Variants in FANK1 observed in about 807,000 individuals in gnomAD.
The protein encoded by FANK1 is fibronectin type III and ankyrin repeat domains 1, also known as fibronectin type 3 and ankyrin repeat domains protein 1.
FANK1 carries 44 observed loss-of-function variants against 45.3 expected under a neutral mutation model. The ratio of observed to expected loss-of-function variants is 0.97; its 90% confidence interval spans 0.76 to 1.25. The LOEUF (loss-of-function observed/expected upper bound fraction) is 1.25, where lower values mean the gene tolerates loss of function less well. FANK1 is among the 50% of genes most tolerant of loss of function. The pLI, the probability that FANK1 is intolerant of heterozygous loss-of-function variation, is 0.00. For missense variants in FANK1, 391 were observed against 424.4 expected (o/e 0.92, Z 0.69); for synonymous variants, 149 against 152.5 (o/e 0.98, Z 0.17).
intron 1 of FANK1, among the ~76,000 whole-genome samples, chr10:125,948,559 C>T (rs1191020215): frequency 1.3e-5 from 2 of 152,094 alleles, no homozygotes; most frequent in African/African-American, 4.8e-5. Context: ...CAAGACTAAA[C>T]CAGGAAGAAG....
At chr10:125,924,236 T>C (rs1447499315) in intron 1 of FANK1, among the ~76,000 whole-genome samples, 1 of 152,200 alleles carries the variant, frequency 6.6e-6, no homozygotes, top group Non-Finnish European at 1.5e-5. Context: ...CTTTGTCTGA[T>C]TTATTGACTG....
chr10:125,999,293 G>A (rs1034564812), intron 6 of FANK1, among the ~76,000 whole-genome samples: 21 of 150,190 alleles, frequency 1.4e-4, no homozygotes, highest in African/African-American at 4.7e-4. Context: ...TCTGCCTCCC[G>A]GGTTCACGCC....
chr10:125,961,525 T>C (rs1949928570), intron 1 of FANK1, among the ~76,000 whole-genome samples: 1 of 152,100 alleles, frequency 6.6e-6, no homozygotes, highest in African/African-American at 2.4e-5. Context: ...AAATAGACCC[T>C]CACCTCTCAC....
At chr10:125,988,169 A>C (rs1951690077) in intron 2 of FANK1, among the ~76,000 whole-genome samples, 1 of 152,236 alleles carries the variant, frequency 6.6e-6, no homozygotes, top group Non-Finnish European at 1.5e-5. Context: ...TTAGCCTTGC[A>C]GCCCCCATCA....
At chr10:126,008,328 C>A in intron 7 of FANK1, 79 bp from the exon 8 acceptor site, 1 of 1,484,938 alleles carries the variant, frequency 6.7e-7, no homozygotes, top group Admixed American at 2.3e-5. Context: ...TTGGGGCAAG[C>A]AAATATTCCT....
chr10:125,939,424 A>G (rs1948306065), intron 1 of FANK1, among the ~76,000 whole-genome samples: 2 of 152,218 alleles, frequency 1.3e-5, no homozygotes, highest in African/African-American at 2.4e-5. Flanking sequence ...GTACTTAGAG[A>G]AGCATTATGA....
intron 1 of FANK1, among the ~76,000 whole-genome samples, chr10:125,955,186 G>T (rs1461692692): frequency 1.3e-5 from 2 of 151,362 alleles, no homozygotes; most frequent in African/African-American, 4.9e-5. Flanking sequence ...ATGGTGGTTT[G>T]CTGCACAGAT....
intron 1 of FANK1, among the ~76,000 whole-genome samples, chr10:125,918,585 A>AATATATATATATATATATATATATAT (rs1197525883): frequency 5.6e-5 from 4 of 70,970 alleles, no homozygotes; most frequent in African/African-American, 3.2e-4. Flanking sequence ...AAAAAAAAAA[A>AATATATATATATATATATATATATAT]ATATATATAT....
At chr10:125,942,209 C>A (rs1948495296) in intron 1 of FANK1, among the ~76,000 whole-genome samples, 1 of 152,114 alleles carries the variant, frequency 6.6e-6, no homozygotes, top group Non-Finnish European at 1.5e-5. Context: ...TGTGCAAGAG[C>A]ATTGTGAAGA....
Position 125,924,932 on chromosome 10 carries a change from A to T in FANK1, c.13+28277A>T, listed in dbSNP as rs1277735616. Among the ~76,000 whole-genome samples the T allele has an allele frequency of 2.8e-5, 4 of 141,858 alleles. No homozygotes were observed. In the East Asian group the frequency reaches 7.7e-4, roughly 27 times the overall value. The allele number at this position is 141,858 out of a possible 152,430, so 93.1% of individuals were successfully genotyped here. On this transcript the variant is annotated intron_variant, in intron 1 of 10. Coordinates refer to ENST00000368693, the MANE Select transcript of FANK1 (RefSeq NM_145235.5). ...TTATTTTATCTTCAAGCTATGGGCT[A>T]TTTAAAAGTATACTTTTAGAAAGTT...
chr10:125,932,217 G>GT (rs1313036586), intron 1 of FANK1, among the ~76,000 whole-genome samples: 7 of 151,968 alleles, frequency 4.6e-5, no homozygotes, highest in African/African-American at 1.7e-4. Flanking sequence ...TTTAGAATTT[G>GT]TTTTTTCTAA....
intron 1 of FANK1, among the ~76,000 whole-genome samples, chr10:125,923,789 A>G (rs1269344348): frequency 6.6e-6 from 1 of 152,148 alleles, no homozygotes; most frequent in Non-Finnish European, 1.5e-5. Flanking sequence ...CGGTCTCCCA[A>G]AGTGCTGGGA....
At chr10:126,001,255 T>C (rs574573512) in intron 6 of FANK1, among the ~76,000 whole-genome samples, 25 of 152,344 alleles carry the variant, frequency 1.6e-4, no homozygotes, top group African/African-American at 6.0e-4. Context: ...ATTCATATGA[T>C]AGAATATTTA....
At chr10:125,999,153 C>T (rs56162453) in intron 6 of FANK1, among the ~76,000 whole-genome samples, 6,726 of 147,598 alleles carry the variant, frequency 0.046, 214 homozygotes, top group Middle Eastern at 0.18. Context: ...TGTGTAGATG[C>T]AAAACAAAAA....
intron 1 of FANK1, among the ~76,000 whole-genome samples, chr10:125,915,225 A>C (rs899252992): frequency 1.3e-5 from 2 of 151,968 alleles, no homozygotes; most frequent in Non-Finnish European, 2.9e-5. Flanking sequence ...CATTTGTTAA[A>C]GGGTAACTTT....
intron 2 of FANK1, among the ~76,000 whole-genome samples, chr10:125,984,301 T>C (rs1262288261): frequency 1.3e-5 from 2 of 152,248 alleles, no homozygotes; most frequent in Non-Finnish European, 2.9e-5. Context: ...GAGCATGGCA[T>C]GCTGTTTCTT....
At chr10:125,956,948 G>A (rs1327421351) in intron 1 of FANK1, among the ~76,000 whole-genome samples, 7 of 152,090 alleles carry the variant, frequency 4.6e-5, no homozygotes, top group Non-Finnish European at 7.4e-5. Flanking sequence ...TCACCCTCCC[G>A]GGTTCAAGCG....
rs762700320 is a variant in FANK1, at chr10:125,898,020, A to AAAGC, written c.13+1367_13+1368insGCAA. On this transcript the variant is annotated intron_variant, in intron 1 of 10. Transcript: ENST00000368693. ...ATACAAAAAAAAAAAAAAAAAAAAA[A>AAAGC]AAAAAAAAAAAAAAGCCAGGTGTGG... is the stretch of plus-strand genomic sequence containing the variant. Among the ~76,000 whole-genome samples, 599 of 79,774 alleles carry AAAGC rather than the reference A, an allele frequency of 7.5e-3. 22 individuals carry two copies. The highest frequency in any genetic ancestry group is 0.014 in the Non-Finnish European group (455 of 33,154). 52.3% of individuals were successfully genotyped at this position (79,774 alleles called of 152,430 possible). A position where few individuals can be genotyped will look rare whatever the true frequency, so the allele number is the denominator to read the frequency against.
intron 7 of FANK1, chr10:126,007,162 A>G (rs1432527703): frequency 1.3e-5 from 2 of 152,208 alleles, no homozygotes; most frequent in Non-Finnish European, 2.9e-5. Context: ...TTGAGAGCCA[A>G]TCACCACCTT....
Sources: allele counts gnomAD v4.1 joint callset (sites outside exome capture counted in the v4.1 genomes callset), GRCh38; gene constraint gnomAD v4.1.1; transcripts MANE v1.5; gene names NCBI Gene and HGNC (gene_info 2026-07-23, HGNC 2026-07-21).